The following SGCZ variants were observed in gnomAD, a reference collection of about 807,000 sequenced individuals.
SGCZ encodes sarcoglycan zeta, also known as zeta-sarcoglycan.
A neutral mutation model predicts 41.3 loss-of-function variants in SGCZ; 40 were observed. The observed-to-expected ratio is 0.97, with a 90% confidence interval of 0.75 to 1.26. The LOEUF is 1.26. Ranked by LOEUF, SGCZ falls within the 50% of genes most tolerant of loss-of-function variation. SGCZ has a pLI of 0.00. For missense variants in SGCZ, 552 were observed against 369.8 expected (o/e 1.49, Z -4.04); for synonymous variants, 206 against 137.5 (o/e 1.50, Z -3.49).
At chr8:14,529,289 T>G (rs538512031) in intron 2 of SGCZ, among the ~76,000 whole-genome samples, 8 of 152,272 alleles carry the variant, frequency 5.3e-5, no homozygotes, top group African/African-American at 1.9e-4. Flanking sequence ...AGCCCATACC[T>G]AACTCATTCC....
chr8:14,119,263 G>A lies in SGCZ; in HGVS notation c.548-11028C>T, dbSNP rs114194199. 3.9e-3 allele frequency among the ~76,000 whole-genome samples: 600 copies of A among 152,110 alleles called. 2 individuals carry two copies. Among genetic ancestry groups the A allele is most frequent in the African/African-American group, 0.013 (554 of 41,494 alleles). ...TGAGCAGTGGTGTGTAATTCTCCTC[G>A]AAGAAGTCCTTCACATCCCCTGTAA... On this transcript the variant is annotated intron_variant, in intron 5 of 7. Transcript: ENST00000382080.
intron 2 of SGCZ, among the ~76,000 whole-genome samples, chr8:14,400,248 T>C (rs1799034646): frequency 6.6e-6 from 1 of 152,160 alleles, no homozygotes; most frequent in Non-Finnish European, 1.5e-5. Context: ...GCAGATTTTA[T>C]TTATCCATTC....
At chr8:14,501,236 T>C (rs1802144482) in intron 2 of SGCZ, among the ~76,000 whole-genome samples, 2 of 151,712 alleles carry the variant, frequency 1.3e-5, no homozygotes, top group African/African-American at 4.8e-5. Flanking sequence ...CCTATTAACA[T>C]CCTTATAATT....
At chr8:14,136,153 C>G (rs1251511252) in intron 5 of SGCZ, among the ~76,000 whole-genome samples, 1 of 152,104 alleles carries the variant, frequency 6.6e-6, no homozygotes, top group African/African-American at 2.4e-5. Flanking sequence ...AAATGCTCTT[C>G]AAACACTAAA....
intron 7 of SGCZ, among the ~76,000 whole-genome samples, chr8:14,091,295 T>G (rs1453439024): frequency 6.6e-6 from 1 of 151,848 alleles, no homozygotes; most frequent in Non-Finnish European, 1.5e-5. Flanking sequence ...CGCAATAAAC[T>G]TAAGTGTGCA....
At chr8:14,369,389 C>T (rs1585415165) in intron 2 of SGCZ, among the ~76,000 whole-genome samples, 1 of 151,986 alleles carries the variant, frequency 6.6e-6, no homozygotes, top group African/African-American at 2.4e-5. Context: ...GATATATCCT[C>T]ATAATAAAGG....
chr8:14,580,365 T>TA (rs1379756110), intron 1 of SGCZ, among the ~76,000 whole-genome samples: 1 of 152,164 alleles, frequency 6.6e-6, no homozygotes, highest in African/African-American at 2.4e-5. Context: ...TTTTGAAGTT[T>TA]AAAAAATAGT....
At chr8:14,810,614 C>T (rs1445328675) in intron 1 of SGCZ, among the ~76,000 whole-genome samples, 1 of 151,980 alleles carries the variant, frequency 6.6e-6, no homozygotes, top group Non-Finnish European at 1.5e-5. Flanking sequence ...ACTTAAACAA[C>T]ATCAGTTCAT....
At chr8:14,446,004 G>A (rs184114436) in intron 2 of SGCZ, among the ~76,000 whole-genome samples, 1 of 152,296 alleles carries the variant, frequency 6.6e-6, no homozygotes, top group Admixed American at 6.5e-5. Flanking sequence ...CCTGCAAGGG[G>A]TTGAGTGAAG....
intron 2 of SGCZ, among the ~76,000 whole-genome samples, chr8:14,524,218 GTT>G (rs199857160): frequency 6.9e-6 from 1 of 145,754 alleles, no homozygotes; most frequent in Admixed American, 6.8e-5. Context: ...TTCTGTTTTA[GTT>G]TTTTTTTTTT....
At position 14,285,502 on chromosome 8, in the gene SGCZ, T is replaced by C. The variant is rs543861790; in HGVS notation, c.336+38601A>G. On this transcript the variant is annotated intron_variant, in intron 3 of 7. Transcript: ENST00000382080. ...AGGAACCATAGACAGAAGAGTATCA[T>C]TGAATTATTGAGGTAAAATGTATGT... Among the ~76,000 whole-genome samples the C allele has an allele frequency of 2.0e-3, 305 of 152,230 alleles. 1 individual carries two copies. The highest frequency in any genetic ancestry group is 3.5e-3 in the Non-Finnish European group (238 of 67,986).
At chr8:15,108,840 T>A (rs1806935421) in intron 1 of SGCZ, among the ~76,000 whole-genome samples, 3 of 152,336 alleles carry the variant, frequency 2.0e-5, no homozygotes, top group Middle Eastern at 3.4e-3. Context: ...ATATATTTAT[T>A]ACTTTGCTAG....
intron 1 of SGCZ, among the ~76,000 whole-genome samples, chr8:14,843,090 T>A (rs565207826): frequency 6.6e-6 from 1 of 152,278 alleles, no homozygotes; most frequent in East Asian, 1.9e-4. Flanking sequence ...CATGCACCTG[T>A]AATCCCAGCT....
At chr8:14,488,914 CT>C (rs1292290219) in intron 2 of SGCZ, among the ~76,000 whole-genome samples, 12 of 119,696 alleles carry the variant, frequency 1.0e-4, no homozygotes, top group South Asian at 2.6e-4. Context: ...GAAATTTACC[CT>C]TTTTTTCCTC....
intron 2 of SGCZ, among the ~76,000 whole-genome samples, chr8:14,417,222 C>G (rs1033187026): frequency 6.6e-6 from 1 of 151,872 alleles, no homozygotes; most frequent in Non-Finnish European, 1.5e-5. Context: ...AAGCGATCTT[C>G]AACTCAGTTC....
At chr8:14,617,261 A>G (rs1806134967) in intron 1 of SGCZ, among the ~76,000 whole-genome samples, 1 of 152,160 alleles carries the variant, frequency 6.6e-6, no homozygotes, top group Non-Finnish European at 1.5e-5. Context: ...TATTTTTTCA[A>G]ATCAAATGTA....
chr8:14,574,238 A>G (rs1804642563), intron 1 of SGCZ, among the ~76,000 whole-genome samples: 1 of 152,170 alleles, frequency 6.6e-6, no homozygotes, highest in South Asian at 2.1e-4. Flanking sequence ...AGGCCTCTGC[A>G]GCAGCCTCAG....
At chr8:14,655,511 G>A (rs1156974221) in intron 1 of SGCZ, among the ~76,000 whole-genome samples, 1 of 151,992 alleles carries the variant, frequency 6.6e-6, no homozygotes, top group Non-Finnish European at 1.5e-5. Flanking sequence ...ATTCAACTTT[G>A]GTTAGAAAGT....
chr8:14,869,667 C>T (rs746376297), intron 1 of SGCZ, among the ~76,000 whole-genome samples: 9 of 152,180 alleles, frequency 5.9e-5, no homozygotes, highest in Non-Finnish European at 1.0e-4. Context: ...TTGCAGATGA[C>T]ATAAATGTAT....
Sources: gnomAD v4.1 joint callset for allele counts (sites outside exome capture counted in the v4.1 genomes callset) on GRCh38, gnomAD v4.1.1 for gene constraint, MANE v1.5 for transcripts, NCBI Gene and HGNC (gene_info 2026-07-23, HGNC 2026-07-21) for gene names.